PLCB1: variants seen among roughly 807,000 people sequenced by gnomAD.
The protein encoded by PLCB1 is phospholipase C beta 1.
A neutral mutation model predicts 161.8 loss-of-function variants in PLCB1; 46 were observed. That is an observed-to-expected ratio of 0.28 (90% confidence interval 0.22 to 0.36). The LOEUF (loss-of-function observed/expected upper bound fraction) is 0.36. Among genes scored for constraint, PLCB1 ranks in the 10% least tolerant of loss-of-function variants. The pLI, the probability that PLCB1 is intolerant of heterozygous loss-of-function variation, is 1.00. For synonymous variants in PLCB1, 517 were observed against 503.7 expected, an observed-to-expected ratio of 1.03 and a Z score of -0.35; for missense variants, 1,016 against 1,472.5, an observed-to-expected ratio of 0.69 and a Z score of 5.07.
At position 8,884,076 on chromosome 20, in the gene PLCB1, G is replaced by A. The variant is rs1988090822; in HGVS notation, c.*2227G>A. Reference sequence around the variant, plus strand: ...TGACTTACACAAAACTGTTTTGGTAGTTGGATTTCATTATCTTAGTGAATT... The same window carrying A: ...TGACTTACACAAAACTGTTTTGGTAATTGGATTTCATTATCTTAGTGAATT... On this transcript the variant is annotated 3_prime_UTR_variant, in exon 32 of 32. Coordinates refer to ENST00000338037, the MANE Select transcript of PLCB1 (RefSeq NM_015192.4). The A allele has an allele frequency of 6.6e-6, 1 of 152,210 alleles. No individual in the cohort carries two copies. Among genetic ancestry groups the A allele is most frequent in the Non-Finnish European group, 1.5e-5 (1 of 67,984 alleles). 9.4% of individuals were successfully genotyped at this position (152,210 alleles called of 1,614,324 possible). A position where few individuals can be genotyped will look rare whatever the true frequency, so the allele number is the denominator to read the frequency against.
At chr20:8,508,173 G>A (rs1229297389) in intron 3 of PLCB1, among the ~76,000 whole-genome samples, 2 of 152,162 alleles carry the variant, frequency 1.3e-5, no homozygotes, top group Non-Finnish European at 2.9e-5. Context: ...GCAGCCAGGA[G>A]CAGTCGCCTG....
chr20:8,464,232 G>A (rs1249697827), intron 3 of PLCB1, among the ~76,000 whole-genome samples: 1 of 152,106 alleles, frequency 6.6e-6, no homozygotes, highest in Non-Finnish European at 1.5e-5. Context: ...TGTATTGGGT[G>A]TTCTGAAATT....
intron 31 of PLCB1, among the ~76,000 whole-genome samples, chr20:8,870,811 T>C (rs1336361348): frequency 6.6e-6 from 1 of 151,750 alleles, no homozygotes; most frequent in South Asian, 2.1e-4. Context: ...AGTCTGAAGA[T>C]ATGAGATCTA....
intron 2 of PLCB1, among the ~76,000 whole-genome samples, chr20:8,155,357 T>C (rs1264285728): frequency 6.6e-6 from 1 of 152,216 alleles, no homozygotes; most frequent in Non-Finnish European, 1.5e-5. Context: ...CCCTGTGAAT[T>C]TGCATGAGAC....
At chr20:8,322,988 T>C (rs895511426) in intron 2 of PLCB1, among the ~76,000 whole-genome samples, 5 of 152,146 alleles carry the variant, frequency 3.3e-5, no homozygotes, top group Non-Finnish European at 2.9e-5. Flanking sequence ...CATTAGAAGG[T>C]GAGGCTCTTC....
intron 2 of PLCB1, among the ~76,000 whole-genome samples, chr20:8,268,530 A>G (rs1013543384): frequency 3.3e-5 from 5 of 152,206 alleles, no homozygotes; most frequent in African/African-American, 1.2e-4. Context: ...TAGATCCTTG[A>G]GGAATCACCA....
intron 3 of PLCB1, among the ~76,000 whole-genome samples, chr20:8,555,049 A>G (rs1600149583): frequency 1.3e-5 from 2 of 152,216 alleles, no homozygotes; most frequent in South Asian, 4.1e-4. Context: ...CTCTCCTATC[A>G]TGTTAGTCAC....
intron 3 of PLCB1, among the ~76,000 whole-genome samples, chr20:8,398,046 G>A (rs76407763): frequency 0.019 from 2,872 of 151,846 alleles, 82 homozygotes; most frequent in African/African-American, 0.064. Context: ...TACCCCCCTT[G>A]CAGTGTATTA....
chr20:8,757,628 T>A (rs1467829376), intron 24 of PLCB1, among the ~76,000 whole-genome samples: 1 of 152,174 alleles, frequency 6.6e-6, no homozygotes, highest in African/African-American at 2.4e-5. Flanking sequence ...AAGCTTTTCA[T>A]ATGGATCATT....
intron 31 of PLCB1, among the ~76,000 whole-genome samples, chr20:8,835,357 G>A (rs1986239471): frequency 6.6e-6 from 1 of 152,008 alleles, no homozygotes; most frequent in Non-Finnish European, 1.5e-5. Flanking sequence ...TGGTTATTTT[G>A]TTAGACCTAT....
At chr20:8,350,029 C>T (rs1036265173) in intron 2 of PLCB1, among the ~76,000 whole-genome samples, 5 of 152,190 alleles carry the variant, frequency 3.3e-5, no homozygotes, top group Admixed American at 2.6e-4. Context: ...AATGTACAAA[C>T]GTCTATTGTT....
chr20:8,149,598 T>C (rs1170219348), intron 1 of PLCB1, among the ~76,000 whole-genome samples: 2 of 152,202 alleles, frequency 1.3e-5, no homozygotes, highest in Non-Finnish European at 2.9e-5. Context: ...TAAAAATCCA[T>C]ATCCAGTGGC....
At chr20:8,591,979 C>T (rs978917900) in intron 3 of PLCB1, among the ~76,000 whole-genome samples, 5 of 152,034 alleles carry the variant, frequency 3.3e-5, no homozygotes, top group Non-Finnish European at 7.4e-5. Flanking sequence ...TGAGATATCT[C>T]GGAGGATGGA....
chr20:8,482,092 ATTTTTTTTTTTT>A (rs199634903), intron 3 of PLCB1, among the ~76,000 whole-genome samples: 40,154 of 105,228 alleles, frequency 0.38, 6,376 homozygotes, highest in East Asian at 0.43. Context: ...GCTTGAAGGA[ATTTTTTTTTTTT>A]TTTTTTTTTT....
At chr20:8,648,189 T>C (rs1438871855) in intron 6 of PLCB1, among the ~76,000 whole-genome samples, 1 of 152,080 alleles carries the variant, frequency 6.6e-6, no homozygotes, top group Non-Finnish European at 1.5e-5. Flanking sequence ...AGGAAGTGGG[T>C]GGAGGAAGTG....
chr20:8,209,628 AAAG>A (rs1480613239), intron 2 of PLCB1, among the ~76,000 whole-genome samples: 25 of 152,242 alleles, frequency 1.6e-4, no homozygotes, highest in Admixed American at 1.4e-3. Context: ...TTCTGTTGGG[AAAG>A]AAGAACTAAA....
chr20:8,557,675 T>A (rs992918269), intron 3 of PLCB1, among the ~76,000 whole-genome samples: 1 of 151,512 alleles, frequency 6.6e-6, no homozygotes, highest in Non-Finnish European at 1.5e-5. Flanking sequence ...CACTCAACTG[T>A]ACACAAAATG....
At chr20:8,177,942 G>A (rs539760896) in intron 2 of PLCB1, among the ~76,000 whole-genome samples, 28 of 150,994 alleles carry the variant, frequency 1.9e-4, no homozygotes, top group African/African-American at 5.1e-4. Context: ...GAGAACATTC[G>A]TGATGTTTGG....
chr20:8,135,813 G>A (rs1365809954), intron 1 of PLCB1, among the ~76,000 whole-genome samples: 2 of 152,178 alleles, frequency 1.3e-5, no homozygotes, highest in South Asian at 4.1e-4. Flanking sequence ...CTGTTAGCAG[G>A]CTCTGGTGGT....
Sources: allele counts gnomAD v4.1 joint callset (sites outside exome capture counted in the v4.1 genomes callset), GRCh38; gene constraint gnomAD v4.1.1; transcripts MANE v1.5; gene names NCBI Gene and HGNC (gene_info 2026-07-23, HGNC 2026-07-21).